RNF175: variants seen among roughly 807,000 people sequenced by gnomAD.
RNF175 encodes the protein ring finger protein 175.
RNF175 carries 38 observed loss-of-function variants against 50.0 expected under a neutral mutation model. The ratio of observed to expected loss-of-function variants is 0.76; its 90% CI spans 0.59 to 1.00. The LOEUF (loss-of-function observed/expected upper bound fraction) is 1.00, where lower values mean the gene tolerates loss of function less well. Ranked by LOEUF, RNF175 falls within the 50% of genes least tolerant of loss-of-function variation. The pLI, the probability that RNF175 is intolerant of heterozygous loss-of-function variation, is 0.00. For missense variants in RNF175, 388 were observed against 409.6 expected (o/e 0.95, Z 0.46); for synonymous variants, 155 against 146.1 (o/e 1.06, Z -0.44).
intron 4 of RNF175, among the ~76,000 whole-genome samples, chr4:153,727,066 C>T (rs571738826): frequency 6.6e-6 from 1 of 152,282 alleles, no homozygotes; most frequent in East Asian, 1.9e-4. Context: ...ATAGGCGAAC[C>T]ATTCTCATGG....
In RNF175 at chr4:153,743,585, C is replaced by T. The variant is rs992942253; in HGVS notation, c.246+5060G>A. On this transcript the variant is annotated intron_variant, in intron 3 of 8. Coordinates refer to ENST00000347063, the MANE Select transcript of RNF175 (RefSeq NM_173662.4). ...GCAGGCTCCTGGCTTTGTCAAAGTG[C>T]TAGACAGGATCACCATGATCATTAT... 2.6e-5 allele frequency among the ~76,000 whole-genome samples: 4 copies of T among 152,060 alleles called. 1 individual carries two copies. In the South Asian group the frequency reaches 8.3e-4, roughly 32 times the overall value.
At chr4:153,729,877 T>C in intron 3 of RNF175, 2 of 751,582 alleles carry the variant, frequency 2.7e-6, no homozygotes, top group Non-Finnish European at 3.1e-6. Flanking sequence ...CTTCAAGGAA[T>C]ACTTTCAGGG....
Position 153,712,399 on chromosome 4 carries a change from G to T in RNF175, c.866+76C>A, listed in dbSNP as rs1737643189. 4 of 1,007,938 alleles carry T rather than the reference G, an allele frequency of 4.0e-6. No homozygotes were observed. In the East Asian group the frequency reaches 1.0e-4, roughly 26 times the overall value. 62.4% of individuals were successfully genotyped at this position (1,007,938 alleles called of 1,614,324 possible). A position where few individuals can be genotyped will look rare whatever the true frequency, so the allele number is the denominator to read the frequency against. The stretch of plus-strand genomic sequence containing the variant: ...TCTGCTGGAACTATACAAAAACACT[G>T]AAACTTTTCATTGAAGAATATATCC... On this transcript the variant is annotated intron_variant, in intron 8 of 8. Coordinates refer to ENST00000347063, the MANE Select transcript of RNF175 (RefSeq NM_173662.4).
rs1740114609 is a variant in RNF175, at chr4:153,748,689, T to A, written c.202A>T (p.Ile68Leu). 1 of 1,605,296 alleles carries A rather than the reference T, an allele frequency of 6.2e-7. No individual in the cohort carries two copies. Among genetic ancestry groups the A allele is most frequent in the Non-Finnish European group, 8.5e-7 (1 of 1,176,140 alleles). Residue 68 changes from isoleucine to leucine, a missense_variant, in exon 3 of 9, where the codon ATA becomes TTA. Coordinates refer to ENST00000347063, the MANE Select transcript of RNF175 (RefSeq NM_173662.4). ...IFLCVLVIAQ[I>L]VLVQWRQRHG... ...CTCTGTCTCCACTGAACCAGCACTA[T>A]CTGGGCAATGACCAGAACGCAGAGG...
intron 5 of RNF175, 182 bp from the exon 6 acceptor site, chr4:153,720,486 T>C (rs11733149): frequency 0.078 from 42,020 of 540,940 alleles, 2,862 homozygotes; most frequent in East Asian, 0.27. Flanking sequence ...TTCCCTCAAA[T>C]TGTAGCACTC....
chr4:153,751,564 GA>G (rs1323996829), intron 1 of RNF175, 89 bp from the exon 2 acceptor site: 1 of 861,396 alleles, frequency 1.2e-6, no homozygotes, highest in Non-Finnish European at 1.8e-6. Context: ...CCCAGACCAT[GA>G]AAAATAACAA....
chr4:153,744,744 T>C (rs1289361141), intron 3 of RNF175, among the ~76,000 whole-genome samples: 5 of 152,194 alleles, frequency 3.3e-5, no homozygotes, highest in African/African-American at 1.2e-4. Flanking sequence ...TTAAAGAACT[T>C]TTCTTTGATA....
At position 153,723,279 on chromosome 4, in the gene RNF175, A is replaced by C. The variant is rs1010512269; in HGVS notation, c.509+72T>G. The C allele has an allele frequency of 1.0e-4, 76 of 748,946 alleles. No homozygotes were observed. The African/African-American group carries it at 1.2e-3, about 12-fold the overall frequency. 46.4% of individuals were successfully genotyped at this position (748,946 alleles called of 1,614,324 possible). On this transcript the variant is annotated intron_variant, in intron 5 of 8. Coordinates refer to ENST00000347063, the MANE Select transcript of RNF175 (RefSeq NM_173662.4). The stretch of plus-strand genomic sequence containing the variant: ...TTGTAGGGCCAGATGCTTCTGGATT[A>C]AGAGAACATGACCAGGTGAGTGTGC...
intron 3 of RNF175, among the ~76,000 whole-genome samples, chr4:153,733,074 C>T (rs2127132025): frequency 6.6e-6 from 1 of 152,142 alleles, no homozygotes; most frequent in African/African-American, 2.4e-5. Context: ...TAATAAGCTG[C>T]TCTGATGTAC....
In RNF175 at chr4:153,751,296, C is replaced by G; in HGVS notation, c.104+142G>C. On this transcript the variant is annotated intron_variant, in intron 2 of 8. Coordinates refer to ENST00000347063, the MANE Select transcript of RNF175 (RefSeq NM_173662.4). ...ACAGATGAAATCCATGCATTTTGGT[C>G]TGTAGTATTTGTGTATCCTACCCCA... The G allele has an allele frequency of 4.6e-6, 3 of 652,370 alleles. No individual in the cohort carries two copies. The South Asian group carries it at 5.3e-5, about 11-fold the overall frequency. 40.4% of individuals were successfully genotyped at this position (652,370 alleles called of 1,614,324 possible).
chr4:153,723,001 A>G (rs1421468437), intron 5 of RNF175, among the ~76,000 whole-genome samples: 1 of 152,226 alleles, frequency 6.6e-6, no homozygotes, highest in Non-Finnish European at 1.5e-5. Context: ...ATAAGAAGAT[A>G]TATATAAAAG....
chr4:153,734,368 T>C (rs1329759165), intron 3 of RNF175, among the ~76,000 whole-genome samples: 1 of 152,250 alleles, frequency 6.6e-6, no homozygotes, highest in African/African-American at 2.4e-5. Context: ...TGTCAGTTTT[T>C]TGAATTTTAG....
Position 153,710,350 on chromosome 4 carries a change from G to C in RNF175, c.*19C>G, listed in dbSNP as rs1310662926. On this transcript the variant is annotated 3_prime_UTR_variant, in exon 9 of 9. Coordinates refer to ENST00000347063, the MANE Select transcript of RNF175 (RefSeq NM_173662.4). ...AAGGATTTCAACCATGCAGTATGTT[G>C]CTTCTGGGGTCTGCTGTCCTATTCC... The C allele has an allele frequency of 1.9e-6, 3 of 1,539,800 alleles. No homozygotes were observed. The highest frequency in any genetic ancestry group is 2.6e-6 in the Non-Finnish European group (3 of 1,138,580).
intron 3 of RNF175, among the ~76,000 whole-genome samples, chr4:153,743,643 C>T (rs1739806757): frequency 6.6e-6 from 1 of 152,074 alleles, no homozygotes; most frequent in Non-Finnish European, 1.5e-5. Context: ...GGCGCCTGGT[C>T]ACCTCCAAGG....
intron 3 of RNF175, among the ~76,000 whole-genome samples, chr4:153,739,617 TA>T (rs1185673581): frequency 1.3e-5 from 2 of 152,212 alleles, no homozygotes; most frequent in Non-Finnish European, 2.9e-5. Flanking sequence ...GTTTGCCTGA[TA>T]AAGTCTTTAT....
intron 3 of RNF175, among the ~76,000 whole-genome samples, chr4:153,734,251 A>T (rs1739210888): frequency 6.6e-6 from 1 of 152,196 alleles, no homozygotes; most frequent in Admixed American, 6.5e-5. Context: ...GCCTATGTTT[A>T]GCTTTGTGGG....
chr4:153,748,246 G>A (rs1740084088), intron 3 of RNF175, among the ~76,000 whole-genome samples: 1 of 152,162 alleles, frequency 6.6e-6, no homozygotes, highest in African/African-American at 2.4e-5. Context: ...CCTTTTCCTG[G>A]ACTGTTGGCA....
intron 2 of RNF175, among the ~76,000 whole-genome samples, chr4:153,750,669 C>CA (rs56915236): frequency 0.045 from 6,841 of 151,976 alleles, 381 homozygotes; most frequent in African/African-American, 0.13. Flanking sequence ...AACAAACAAG[C>CA]AAAAAAACAA....
chr4:153,728,056 T>A lies in RNF175; in HGVS notation c.401+151A>T, dbSNP rs1038185718. 8.4e-6 allele frequency: 4 copies of A among 473,806 alleles called. No homozygotes were observed. In the East Asian group the frequency reaches 1.4e-4, roughly 17 times the overall value. The allele number at this position is 473,806 out of a possible 1,614,324, so 29.4% of individuals were successfully genotyped here. On this transcript the variant is annotated intron_variant, in intron 4 of 8. Coordinates refer to ENST00000347063, the MANE Select transcript of RNF175 (RefSeq NM_173662.4). ...GAAGGCAAACTAAGACCAGTGTAGC[T>A]AATTTCTCAATTGTTTTGCTACCAA... is the stretch of plus-strand genomic sequence containing the variant.
Sources: gnomAD v4.1 joint callset for allele counts (sites outside exome capture counted in the v4.1 genomes callset) on GRCh38, gnomAD v4.1.1 for gene constraint, MANE v1.5 for transcripts, NCBI Gene and HGNC (gene_info 2026-07-23, HGNC 2026-07-21) for gene names.